Variants in CLVS2 observed in about 807,000 individuals in gnomAD.
The protein encoded by CLVS2 is clavesin 2.
CLVS2 carries 19 observed loss-of-function variants against 29.0 expected under a neutral mutation model. The observed-to-expected ratio is 0.66, with a 90% CI of 0.46 to 0.96. CLVS2 has a LOEUF of 0.96. Among genes scored for constraint, CLVS2 ranks in the 40% least tolerant of loss-of-function variants. CLVS2 has a pLI of 0.00. For missense variants in CLVS2, 294 were observed against 404.1 expected (o/e 0.73, Z 2.34); for synonymous variants, 161 against 151.3 (o/e 1.06, Z -0.47).
At chr6:123,041,740 A>G (rs1201434366) in intron 3 of CLVS2, among the ~76,000 whole-genome samples, 1 of 152,192 alleles carries the variant, frequency 6.6e-6, no homozygotes, top group Non-Finnish European at 1.5e-5. Flanking sequence ...ATACATGTTG[A>G]CACAATTATA....
chr6:123,021,904 T>C (rs1036618002), intron 3 of CLVS2, among the ~76,000 whole-genome samples: 2 of 152,080 alleles, frequency 1.3e-5, no homozygotes, highest in Non-Finnish European at 2.9e-5. Flanking sequence ...AAATTGTTGC[T>C]AGTATGTATC....
chr6:123,052,228 A>G (rs1772621476), intron 4 of CLVS2, among the ~76,000 whole-genome samples: 2 of 152,292 alleles, frequency 1.3e-5, no homozygotes, highest in South Asian at 4.1e-4. Flanking sequence ...AAATAGGTTT[A>G]CCAAGGAAGG....
chr6:123,061,332 C>T (rs1031540226), intron 5 of CLVS2, among the ~76,000 whole-genome samples: 1 of 150,902 alleles, frequency 6.6e-6, no homozygotes, highest in African/African-American at 2.4e-5. Context: ...AACCCAGAAA[C>T]CTCTGAGATG....
intron 5 of CLVS2, among the ~76,000 whole-genome samples, chr6:123,061,808 T>C (rs534443941): frequency 2.0e-5 from 3 of 152,330 alleles, no homozygotes; most frequent in South Asian, 4.1e-4. Flanking sequence ...TTGTGCCTTG[T>C]GCAGTCTGAA....
At chr6:123,005,083 A>G (rs942940143) in intron 2 of CLVS2, among the ~76,000 whole-genome samples, 2 of 151,996 alleles carry the variant, frequency 1.3e-5, no homozygotes, top group Non-Finnish European at 2.9e-5. Flanking sequence ...CTTTTTTCCT[A>G]AGGTGATTTA....
chr6:122,999,866 C>A (rs1437266339), intron 2 of CLVS2, among the ~76,000 whole-genome samples: 1 of 152,026 alleles, frequency 6.6e-6, no homozygotes, highest in Non-Finnish European at 1.5e-5. Context: ...TATAAGTGAA[C>A]TAATATTCAT....
intron 2 of CLVS2, among the ~76,000 whole-genome samples, chr6:123,002,507 A>G (rs1774603423): frequency 6.6e-6 from 1 of 152,106 alleles, no homozygotes; most frequent in Non-Finnish European, 1.5e-5. Flanking sequence ...CTTACAATTT[A>G]AAACATAGCC....
intron 3 of CLVS2, among the ~76,000 whole-genome samples, chr6:123,017,084 G>T (rs1163250194): frequency 2.3e-5 from 2 of 86,008 alleles, no homozygotes; most frequent in East Asian, 1.2e-3. Flanking sequence ...AATTGCATGT[G>T]TGTATGTGTG....
chr6:123,018,662 G>A (rs1296084676), intron 3 of CLVS2, among the ~76,000 whole-genome samples: 1 of 116,902 alleles, frequency 8.6e-6, no homozygotes, highest in Non-Finnish European at 1.7e-5. Flanking sequence ...TTTATGTTCT[G>A]AATAGCTTTT....
Position 123,069,880 on chromosome 6 carries a change from T to C in CLVS2, c.*6119T>C, listed in dbSNP as rs907808877. The C allele has an allele frequency of 2.0e-5, 3 of 151,780 alleles. No individual in the cohort carries two copies. Among genetic ancestry groups the C allele is most frequent in the African/African-American group, 2.4e-5 (1 of 41,380 alleles). 9.4% of individuals were successfully genotyped at this position (151,780 alleles called of 1,614,324 possible). Reference sequence around the variant, plus strand: ...TTCTTTCTCTAAAAATAAAAATAAATATGCTGTTTTCCTCCCTTTTTTCTA... The same window carrying C: ...TTCTTTCTCTAAAAATAAAAATAAACATGCTGTTTTCCTCCCTTTTTTCTA... On this transcript the variant is annotated 3_prime_UTR_variant, in exon 6 of 6. Coordinates refer to ENST00000275162, the MANE Select transcript of CLVS2 (RefSeq NM_001010852.4).
chr6:123,003,613 A>T (rs1243732754), intron 2 of CLVS2, among the ~76,000 whole-genome samples: 1 of 152,166 alleles, frequency 6.6e-6, no homozygotes, highest in East Asian at 1.9e-4. Context: ...TGTTATGTAC[A>T]TAGCATTTTA....
intron 3 of CLVS2, among the ~76,000 whole-genome samples, chr6:123,025,015 C>T (rs560079163): frequency 3.9e-5 from 6 of 152,250 alleles, no homozygotes; most frequent in Admixed American, 3.9e-4. Flanking sequence ...AGTTCTCAGA[C>T]TCCAAATCCA....
chr6:123,062,400 C>T (rs1430256066), intron 5 of CLVS2, among the ~76,000 whole-genome samples: 2 of 151,964 alleles, frequency 1.3e-5, no homozygotes. Flanking sequence ...TCATCCTATT[C>T]TTATATTCAT....
rs1772557273 is a variant in CLVS2 at position 123,048,617 on chromosome 6, T to C, written c.565-5T>C. 3.1e-6 allele frequency: 5 copies of C among 1,599,604 alleles called. No homozygotes were observed. Among genetic ancestry groups the C allele is most frequent in the Non-Finnish European group, 3.4e-6 (4 of 1,167,068 alleles). The stretch of plus-strand genomic sequence containing the variant: ...TTGATTGTTTTTTTCTCCATGTTAC[T>C]CTAGGATAGTTTCCCAGCGCGATTT... On this transcript the variant is annotated splice_region_variant and splice_polypyrimidine_tract_variant and intron_variant, in intron 3 of 5. Coordinates refer to ENST00000275162, the MANE Select transcript of CLVS2 (RefSeq NM_001010852.4).
intron 3 of CLVS2, among the ~76,000 whole-genome samples, chr6:123,012,457 C>A (rs1774762720): frequency 6.6e-6 from 1 of 151,616 alleles, no homozygotes; most frequent in Non-Finnish European, 1.5e-5. Flanking sequence ...GCCTTCAGCT[C>A]CTGAAGGACT....
At chr6:123,058,360 C>A (rs961092141) in intron 5 of CLVS2, among the ~76,000 whole-genome samples, 1 of 152,164 alleles carries the variant, frequency 6.6e-6, no homozygotes, top group Non-Finnish European at 1.5e-5. Context: ...CAGCTGTCAT[C>A]GGTGTCCACT....
intron 3 of CLVS2, among the ~76,000 whole-genome samples, chr6:123,013,649 AT>A (rs1296135256): frequency 6.6e-6 from 1 of 150,956 alleles, no homozygotes; most frequent in African/African-American, 2.4e-5. Context: ...TTTGCATTTT[AT>A]TTTATTTTTT....
intron 3 of CLVS2, among the ~76,000 whole-genome samples, chr6:123,019,833 G>A (rs1325628473): frequency 1.3e-5 from 2 of 151,966 alleles, no homozygotes; most frequent in African/African-American, 4.8e-5. Context: ...GATGGTATAG[G>A]TCCAGTTCAA....
intron 3 of CLVS2, 65 bp from the exon 4 acceptor site, chr6:123,048,557 C>A: frequency 2.8e-6 from 3 of 1,081,174 alleles, no homozygotes; most frequent in South Asian, 1.3e-5. Flanking sequence ...ACCATATAAC[C>A]TTTCCTAAAC....
Sources: gnomAD v4.1 joint callset for allele counts (sites outside exome capture counted in the v4.1 genomes callset) on GRCh38, gnomAD v4.1.1 for gene constraint, MANE v1.5 for transcripts, NCBI Gene and HGNC (gene_info 2026-07-23, HGNC 2026-07-21) for gene names.